MAP3K13: variants seen among roughly 807,000 people sequenced by gnomAD.
MAP3K13 encodes the protein mitogen-activated protein kinase kinase kinase 13.
In MAP3K13, 52 loss-of-function variants were observed where a neutral mutation model predicts 104.0. The observed-to-expected ratio is 0.50, with a 90% confidence interval of 0.40 to 0.63. The LOEUF (loss-of-function observed/expected upper bound fraction) is 0.63, where lower values mean the gene tolerates loss of function less well. Among genes scored for constraint, MAP3K13 ranks in the 20% least tolerant of loss-of-function variants. MAP3K13 has a pLI of 0.00. For synonymous variants in MAP3K13, 394 were observed against 442.2 expected, an observed-to-expected ratio of 0.89 and a Z score of 1.37; for missense variants, 914 against 1,218.5, an observed-to-expected ratio of 0.75 and a Z score of 3.72.
chr3:185,285,891 C>CT (rs978441383), intron 2 of MAP3K13, among the ~76,000 whole-genome samples: 8 of 152,018 alleles, frequency 5.3e-5, no homozygotes, highest in African/African-American at 1.9e-4. Context: ...GCTCTGCTTT[C>CT]TTTTTTTAGG....
intron 2 of MAP3K13, among the ~76,000 whole-genome samples, chr3:185,436,332 C>T (rs1375015964): frequency 1.3e-5 from 2 of 152,124 alleles, no homozygotes; most frequent in Non-Finnish European, 2.9e-5. Flanking sequence ...GAAAAAGAAA[C>T]TTGAAAATAC....
At chr3:185,309,634 T>C (rs1721430217) in intron 2 of MAP3K13, among the ~76,000 whole-genome samples, 2 of 152,154 alleles carry the variant, frequency 1.3e-5, no homozygotes, top group Admixed American at 1.3e-4. Context: ...TCAGCTATTC[T>C]CTCATATGGA....
At position 185,466,880 on chromosome 3, in the gene MAP3K13, T is replaced by C; in HGVS notation, c.1560T>C (p.Val520=). 6.2e-7 allele frequency: 1 copy of C among 1,614,010 alleles called. No individual in the cohort carries two copies. The highest frequency in any genetic ancestry group is 8.5e-7 in the Non-Finnish European group (1 of 1,179,880). ...KYPGTYKRHP[V]RPIIHPNAME... ...CTGGGACCTACAAACGACACCCTGTTCGTCCTATCATCCATCCCAATGCCA... is the reference window on the plus strand; with the variant it reads ...CTGGGACCTACAAACGACACCCTGTCCGTCCTATCATCCATCCCAATGCCA... Residue 520 remains valine (V), a synonymous_variant, in exon 10 of 14, where the codon GTT becomes GTC. Coordinates refer to ENST00000265026, the MANE Select transcript of MAP3K13 (RefSeq NM_004721.5).
intron 1 of MAP3K13, among the ~76,000 whole-genome samples, chr3:185,427,497 A>G (rs1165404132): frequency 6.6e-6 from 1 of 152,250 alleles, no homozygotes; most frequent in Non-Finnish European, 1.5e-5. Context: ...GATCAGAAGC[A>G]AAGAACAAGT....
chr3:185,346,060 T>G (rs982289651), intron 2 of MAP3K13, among the ~76,000 whole-genome samples: 6 of 152,242 alleles, frequency 3.9e-5, no homozygotes, highest in Admixed American at 2.0e-4. Context: ...AATTTTCATG[T>G]GTGGAATACA....
chr3:185,442,333 G>T (rs1168817285), intron 3 of MAP3K13, among the ~76,000 whole-genome samples: 1 of 147,754 alleles, frequency 6.8e-6, no homozygotes, highest in African/African-American at 2.5e-5. Flanking sequence ...AAAAAAAAAA[G>T]AAATGTTTTT....
At position 185,291,829 on chromosome 3, in the gene MAP3K13, C is replaced by T. The variant is rs997200057; in HGVS notation, c.-86+6186C>T. 1.6e-4 allele frequency: 193 copies of T among 1,220,928 alleles called. 1 individual carries two copies. The highest frequency in any genetic ancestry group is 8.5e-5 in the Admixed American group (2 of 23,418). The allele number at this position is 1,220,928 out of a possible 1,614,324, so 75.6% of individuals were successfully genotyped here. ...TATATCCCTTCCTCTGACTTCTCTT[C>T]AATTTCCTTGGCCTCTAGGGTCCTT... On this transcript the variant is annotated intron_variant, in intron 2 of 14. Transcript: ENST00000424227.
intron 8 of MAP3K13, among the ~76,000 whole-genome samples, chr3:185,465,277 A>AC (rs1560127231): frequency 6.6e-6 from 1 of 152,116 alleles, no homozygotes; most frequent in African/African-American, 2.4e-5. Flanking sequence ...CATCTGGCCA[A>AC]CCCCACCTCT....
chr3:185,347,315 C>T (rs1722966341), intron 2 of MAP3K13, among the ~76,000 whole-genome samples: 1 of 152,244 alleles, frequency 6.6e-6, no homozygotes, highest in Non-Finnish European at 1.5e-5. Context: ...GGACAGACTA[C>T]AGATTATGTA....
intron 1 of MAP3K13, among the ~76,000 whole-genome samples, chr3:185,404,866 G>GCCA (rs1156874392): frequency 5.3e-5 from 8 of 152,182 alleles, no homozygotes; most frequent in African/African-American, 1.9e-4. Flanking sequence ...ACAGGCATGA[G>GCCA]CCACCGCGCG....
intron 2 of MAP3K13, among the ~76,000 whole-genome samples, chr3:185,311,130 A>G (rs1721481671): frequency 6.6e-6 from 1 of 152,196 alleles, no homozygotes; most frequent in Non-Finnish European, 1.5e-5. Flanking sequence ...ACTCCAAGTC[A>G]TAGTAGCCTT....
chr3:185,360,376 C>T (rs948326546), upstream of MAP3K13, among the ~76,000 whole-genome samples: 2 of 152,354 alleles, frequency 1.3e-5, no homozygotes, highest in Middle Eastern at 6.8e-3. Context: ...AGCAAGTTCT[C>T]TTGGGCTGTA....
chr3:185,453,144 GCAATATC>G (rs1307303701), intron 7 of MAP3K13, among the ~76,000 whole-genome samples: 1 of 152,076 alleles, frequency 6.6e-6, no homozygotes, highest in Admixed American at 6.6e-5. Context: ...CCAGACCCAG[GCAATATC>G]AAAAGGAATG....
At chr3:185,356,193 G>T (rs1723345485) in intron 2 of MAP3K13, among the ~76,000 whole-genome samples, 1 of 152,182 alleles carries the variant, frequency 6.6e-6, no homozygotes, top group Non-Finnish European at 1.5e-5. Context: ...TTAGAAGACA[G>T]AATTTGAAAG....
intron 1 of MAP3K13, among the ~76,000 whole-genome samples, chr3:185,373,608 C>T (rs1270084471): frequency 1.3e-5 from 2 of 152,180 alleles, no homozygotes; most frequent in Non-Finnish European, 1.5e-5. Context: ...TGCCACTGCA[C>T]TCCAGCCTGG....
intron 1 of MAP3K13, among the ~76,000 whole-genome samples, chr3:185,375,529 G>A (rs896460088): frequency 3.3e-5 from 5 of 152,172 alleles, no homozygotes; most frequent in African/African-American, 4.8e-5. Flanking sequence ...TGTGAGGTTG[G>A]AAGGAGATAT....
In MAP3K13 at chr3:185,363,139, A is replaced by G; in HGVS notation, c.-315A>G. On this transcript the variant is annotated 5_prime_UTR_variant, in exon 1 of 14. Transcript: ENST00000265026. ...ACCCGCCCCTCTTTTTTTTTTCATGACACACACCACAGCGAAGTCTGTGCG... is the reference window on the plus strand; with the variant it reads ...ACCCGCCCCTCTTTTTTTTTTCATGGCACACACCACAGCGAAGTCTGTGCG... 2.0e-6 allele frequency: 2 copies of G among 983,928 alleles called. No homozygotes were observed. The highest frequency in any genetic ancestry group is 2.4e-6 in the Non-Finnish European group (2 of 829,514). The allele number at this position is 983,928 out of a possible 1,614,324, so 60.9% of individuals were successfully genotyped here.
chr3:185,427,198 C>CA (rs58646071), intron 1 of MAP3K13, among the ~76,000 whole-genome samples: 19,615 of 127,032 alleles, frequency 0.15, 1,504 homozygotes, highest in African/African-American at 0.23. Flanking sequence ...ACTAAAAATA[C>CA]AAAAAAAAAA....
chr3:185,476,375 A>T (rs1718129700), intron 11 of MAP3K13: 1 of 149,846 alleles, frequency 6.7e-6, no homozygotes, highest in African/African-American at 2.4e-5. Flanking sequence ...AAAAAAAAAA[A>T]AGCATATCAG....
Sources: gnomAD v4.1 joint callset for allele counts (sites outside exome capture counted in the v4.1 genomes callset) on GRCh38, gnomAD v4.1.1 for gene constraint, MANE v1.5 for transcripts, NCBI Gene and HGNC (gene_info 2026-07-23, HGNC 2026-07-21) for gene names.